PTPRN2: variants seen among roughly 807,000 people sequenced by gnomAD.
The protein encoded by PTPRN2 is receptor-type tyrosine-protein phosphatase N2.
A neutral mutation model predicts 118.8 loss-of-function variants in PTPRN2; 74 were observed. That is an observed-to-expected ratio of 0.62 (90% CI 0.52 to 0.76). The LOEUF is 0.76. PTPRN2 is among the 30% of genes least tolerant of loss of function. PTPRN2 has a pLI of 0.00. For synonymous variants in PTPRN2, 641 were observed against 608.0 expected (o/e 1.05, Z -0.80); for missense variants, 1,481 against 1,394.4 (o/e 1.06, Z -0.99).
chr7:158,104,124 G>A (rs1365167176), intron 10 of PTPRN2, among the ~76,000 whole-genome samples: 3 of 152,156 alleles, frequency 2.0e-5, no homozygotes, highest in South Asian at 2.1e-4. Context: ...GCCTCCCAAA[G>A]TTCTGGGATT....
intron 2 of PTPRN2, among the ~76,000 whole-genome samples, chr7:158,320,592 G>A (rs944966715): frequency 9.0e-5 from 13 of 143,956 alleles, no homozygotes; most frequent in African/African-American, 2.3e-4. Flanking sequence ...CCTCGGCAGC[G>A]CTGGGTGACA....
Position 157,585,715 on chromosome 7 carries a change from A to C in PTPRN2, c.2497-7575T>G, listed in dbSNP as rs758608563. Among the ~76,000 whole-genome samples the C allele has an allele frequency of 3.3e-5, 5 of 152,188 alleles. No homozygotes were observed. Among genetic ancestry groups the C allele is most frequent in the Admixed American group, 6.5e-5 (1 of 15,288 alleles). On this transcript the variant is annotated intron_variant, in intron 17 of 22. Transcript: ENST00000389418. The surrounding 1 kb of genome is among the most constrained non-coding windows in gnomAD (Gnocchi z 5.2). ...GACCTGACATAAATGCATCAGATCC[A>C]GTTGTGAAGCAAGAGAGGAAGAGGA...
chr7:158,408,102 AG>A (rs1282625844), intron 2 of PTPRN2, among the ~76,000 whole-genome samples: 1 of 152,238 alleles, frequency 6.6e-6, no homozygotes, highest in East Asian at 1.9e-4. Context: ...CGTGACATGT[AG>A]GATGTGATTT....
intron 21 of PTPRN2, 41 bp from the exon 22 acceptor site, chr7:157,549,060 A>T: frequency 6.3e-7 from 1 of 1,575,704 alleles, no homozygotes; most frequent in Non-Finnish European, 8.7e-7. Context: ...AGAGCACAAG[A>T]TAATCCATGC....
At chr7:157,684,171 CATTA>C (rs1797049121) in intron 12 of PTPRN2, among the ~76,000 whole-genome samples, 1 of 151,948 alleles carries the variant, frequency 6.6e-6, no homozygotes, top group Non-Finnish European at 1.5e-5. Context: ...AAAAGCTGGT[CATTA>C]ATTAGCCTCC....
In PTPRN2 at chr7:157,618,829, CCT is replaced by C. The variant is rs140997778; in HGVS notation, c.2344+2531_2344+2532del. 4,680 of 152,386 alleles carry C rather than the reference CCT, an allele frequency of 0.031. 108 individuals carry two copies. The highest frequency in any genetic ancestry group is 0.048 in the South Asian group (231 of 4,828). 9.4% of individuals were successfully genotyped at this position (152,386 alleles called of 1,614,324 possible). A position where few individuals can be genotyped will look rare whatever the true frequency, so the allele number is the denominator to read the frequency against. ...TGCCGTTCTCTGTCTTCCCTGGTGG[CCT>C]CTCAACCCTGAAGGGCAGTGCTGTG... On this transcript the variant is annotated intron_variant, in intron 15 of 22. Coordinates refer to ENST00000389418, the MANE Select transcript of PTPRN2 (RefSeq NM_002847.5). This position sits in a 1 kb window ranked among gnomAD's most constrained non-coding sequence, Gnocchi z 4.2.
intron 5 of PTPRN2, among the ~76,000 whole-genome samples, chr7:158,178,360 C>T (rs1007122947): frequency 4.6e-5 from 7 of 152,034 alleles, no homozygotes; most frequent in Admixed American, 3.3e-4. Flanking sequence ...CTCACCCTCC[C>T]GCTTCTGAGT....
rs192096158 is a variant in PTPRN2 at position 157,837,779 on chromosome 7, G to A, written c.1788+60894C>T. Among the ~76,000 whole-genome samples, 573 of 152,320 alleles carry A rather than the reference G, an allele frequency of 3.8e-3. 3 individuals carry two copies. Among genetic ancestry groups the A allele is most frequent in the African/African-American group, 0.013 (537 of 41,562 alleles). ...CACTCCATGACCCTTCCTTGTTGCC[G>A]CCACACGTCTGTTGCACCTGTTAGA... On this transcript the variant is annotated intron_variant, in intron 12 of 22. Transcript: ENST00000389418.
intron 2 of PTPRN2, among the ~76,000 whole-genome samples, chr7:158,372,449 T>C (rs9801151): frequency 0.97 from 125,267 of 128,744 alleles, 60,944 homozygotes; most frequent in East Asian, 0.99. Flanking sequence ...GTCCCCCCAA[T>C]GCTGGTCCCT....
At chr7:157,572,330 G>A (rs1194342347) in intron 19 of PTPRN2, among the ~76,000 whole-genome samples, 1 of 152,224 alleles carries the variant, frequency 6.6e-6, no homozygotes, top group Non-Finnish European at 1.5e-5. Flanking sequence ...GTGAAGGAGA[G>A]TGTTCTACAA....
intron 14 of PTPRN2, among the ~76,000 whole-genome samples, chr7:157,655,089 C>T (rs564057354): frequency 1.3e-3 from 192 of 152,338 alleles, no homozygotes; most frequent in Non-Finnish European, 2.6e-3. Context: ...TGTCTGCTCC[C>T]GGGTGTGAAC....
At chr7:157,559,315 G>A (rs1799062271) in intron 21 of PTPRN2, among the ~76,000 whole-genome samples, 1 of 152,216 alleles carries the variant, frequency 6.6e-6, no homozygotes, top group African/African-American at 2.4e-5. Flanking sequence ...TGGGCCTGCG[G>A]GCTGGGCAGG....
intron 3 of PTPRN2, among the ~76,000 whole-genome samples, chr7:158,233,888 T>C (rs1293652455): frequency 6.6e-6 from 1 of 152,120 alleles, no homozygotes; most frequent in Non-Finnish European, 1.5e-5. Flanking sequence ...ATCTCTTCAA[T>C]AAATGTTGCT....
chr7:158,359,943 C>T (rs1808726385), intron 2 of PTPRN2, among the ~76,000 whole-genome samples: 5 of 152,068 alleles, frequency 3.3e-5, no homozygotes, highest in Admixed American at 2.6e-4. Flanking sequence ...AGAAGACAAG[C>T]CCCTCAGTGG....
intron 6 of PTPRN2, among the ~76,000 whole-genome samples, chr7:158,140,978 C>T (rs566475231): frequency 2.2e-4 from 34 of 152,284 alleles, no homozygotes; most frequent in African/African-American, 7.2e-4. Flanking sequence ...CGAACGACAC[C>T]GGCAGAGTGA....
intron 4 of PTPRN2, among the ~76,000 whole-genome samples, chr7:158,201,702 A>G (rs1254511102): frequency 2.0e-5 from 3 of 152,188 alleles, no homozygotes; most frequent in East Asian, 1.9e-4. Context: ...GGTCTCCACA[A>G]TCCTTTATCT....
chr7:157,612,651 G>C (rs1585108818), intron 15 of PTPRN2, among the ~76,000 whole-genome samples: 1 of 152,226 alleles, frequency 6.6e-6, no homozygotes, highest in South Asian at 2.1e-4. Context: ...CCCACAGCAC[G>C]GGGCGCAGGG....
chr7:158,497,605 G>A (rs1269803218), intron 1 of PTPRN2, among the ~76,000 whole-genome samples: 1 of 152,212 alleles, frequency 6.6e-6, no homozygotes, highest in Non-Finnish European at 1.5e-5. Context: ...GCCTCAGAGA[G>A]CAGGAAGATG....
chr7:157,909,479 C>T (rs1797960795), intron 11 of PTPRN2, among the ~76,000 whole-genome samples: 1 of 152,270 alleles, frequency 6.6e-6, no homozygotes, highest in African/African-American at 2.4e-5. Flanking sequence ...GGTCTACAGT[C>T]CAGGCCACAG....
Sources: allele counts gnomAD v4.1 joint callset (sites outside exome capture counted in the v4.1 genomes callset), GRCh38; gene constraint gnomAD v4.1.1; non-coding constraint Gnocchi (gnomAD v3.1); transcripts MANE v1.5; gene names NCBI Gene and HGNC (gene_info 2026-07-23, HGNC 2026-07-21).